Variants in SLC6A11 observed in about 807,000 individuals in gnomAD.
The protein encoded by SLC6A11 is sodium- and chloride-dependent GABA transporter 3.
A neutral mutation model predicts 74.8 loss-of-function variants in SLC6A11; 25 were observed. That is an observed-to-expected ratio of 0.33 (90% confidence interval 0.24 to 0.47). The LOEUF (loss-of-function observed/expected upper bound fraction) is 0.47, where lower values mean the gene tolerates loss of function less well. Ranked by LOEUF, SLC6A11 falls within the 20% of genes least tolerant of loss-of-function variation. The pLI is 1.00. For missense variants in SLC6A11, 574 were observed against 837.0 expected (o/e 0.69, Z 3.88); for synonymous variants, 330 against 330.2 (o/e 1.00, Z 0.01).
At chr3:10,881,059 A>G (rs1484690211) in intron 6 of SLC6A11, among the ~76,000 whole-genome samples, 2 of 152,122 alleles carry the variant, frequency 1.3e-5, no homozygotes, top group African/African-American at 4.8e-5. Context: ...GTTGTTGGTA[A>G]TCATCTGAGT....
chr3:10,873,729 T>C (rs865901191), intron 5 of SLC6A11, among the ~76,000 whole-genome samples: 1 of 139,870 alleles, frequency 7.1e-6, no homozygotes, highest in Non-Finnish European at 1.5e-5. Context: ...TATCCTATCC[T>C]ATCCCGTCCC....
intron 5 of SLC6A11, among the ~76,000 whole-genome samples, chr3:10,871,865 G>A (rs1694831746): frequency 6.6e-6 from 1 of 152,156 alleles, no homozygotes; most frequent in Non-Finnish European, 1.5e-5. Context: ...GTGGTGCAGG[G>A]GCCATGAGTG....
At chr3:10,834,657 G>T (rs151161411) in intron 4 of SLC6A11, among the ~76,000 whole-genome samples, 1 of 152,124 alleles carries the variant, frequency 6.6e-6, no homozygotes, top group East Asian at 1.9e-4. Flanking sequence ...TGTGCTTTGC[G>T]CTCTTCTCAC....
At chr3:10,920,650 G>C (rs1294062494) in intron 8 of SLC6A11, among the ~76,000 whole-genome samples, 2 of 152,204 alleles carry the variant, frequency 1.3e-5, no homozygotes, top group Non-Finnish European at 2.9e-5. Flanking sequence ...ACTCGTGGCT[G>C]TGCAGACTAT....
chr3:10,816,349 C>T lies in SLC6A11; in HGVS notation c.84C>T (p.Cys28=). 2 of 1,448,352 alleles carry T rather than the reference C, an allele frequency of 1.4e-6. No homozygotes were observed. The highest frequency in any genetic ancestry group is 9.1e-7 in the Non-Finnish European group (1 of 1,101,314). 89.7% of individuals were successfully genotyped at this position (1,448,352 alleles called of 1,614,324 possible). A position where few individuals can be genotyped will look rare whatever the true frequency, so the allele number is the denominator to read the frequency against. ...ARESEAPGGG[C]SSGGAAPARH... ...AGTCCGAGGCGCCGGGTGGCGGCTG[C>T]AGCAGCGGGGGCGCGGCGCCCGCGC... is the stretch of plus-strand genomic sequence containing the variant. The change falls in exon 1 of 14, where the codon TGC becomes TGT. Residue 28 remains cysteine, a synonymous_variant. Coordinates refer to ENST00000254488, the MANE Select transcript of SLC6A11 (RefSeq NM_014229.3). This position sits in a 1 kb window ranked among gnomAD's most constrained non-coding sequence, Gnocchi z 4.2.
chr3:10,938,418 C>A lies in SLC6A11; in HGVS notation c.*16C>A. On this transcript the variant is annotated 3_prime_UTR_variant, in exon 14 of 14. Transcript: ENST00000254488. ...GCACTTCTGAGCGGCCACCAGCCATCTGGGGCTCTTCTTCCTTTCTTCCCC... is the reference window on the plus strand; with the variant it reads ...GCACTTCTGAGCGGCCACCAGCCATATGGGGCTCTTCTTCCTTTCTTCCCC... 1 of 1,575,468 alleles carries A rather than the reference C, an allele frequency of 6.3e-7. No individual in the cohort carries two copies. The highest frequency in any genetic ancestry group is 8.7e-7 in the Non-Finnish European group (1 of 1,153,564).
At chr3:10,879,235 A>C in intron 6 of SLC6A11, among the ~76,000 whole-genome samples, 1 of 152,184 alleles carries the variant, frequency 6.6e-6, no homozygotes, top group African/African-American at 2.4e-5. Context: ...GGAAGTGTGT[A>C]TGTGTGTTTG....
At chr3:10,863,908 T>A (rs1398011743) in intron 5 of SLC6A11, among the ~76,000 whole-genome samples, 1 of 152,118 alleles carries the variant, frequency 6.6e-6, no homozygotes, top group Non-Finnish European at 1.5e-5. Context: ...TGAGCTTGAA[T>A]CCTGCCTTTA....
At chr3:10,876,766 C>CAG (rs71055842) in intron 6 of SLC6A11, among the ~76,000 whole-genome samples, 13 of 91,294 alleles carry the variant, frequency 1.4e-4, no homozygotes, top group Non-Finnish European at 1.7e-4. Context: ...ACCTCCCACA[C>CAG]AGAGAGAGAG....
At chr3:10,865,416 C>T (rs1694751871) in intron 5 of SLC6A11, among the ~76,000 whole-genome samples, 1 of 152,220 alleles carries the variant, frequency 6.6e-6, no homozygotes, top group African/African-American at 2.4e-5. Flanking sequence ...GTAATCCCAG[C>T]ACTTTGGGAG....
intron 5 of SLC6A11, among the ~76,000 whole-genome samples, chr3:10,869,683 C>G (rs1694806593): frequency 6.6e-6 from 1 of 152,252 alleles, no homozygotes; most frequent in Non-Finnish European, 1.5e-5. Context: ...CCAGCGTTAT[C>G]CGACTCTAAG....
At chr3:10,823,699 G>A (rs1042122283) in intron 4 of SLC6A11, 1 of 290,360 alleles carries the variant, frequency 3.4e-6, no homozygotes. Flanking sequence ...CAAAAGAGGA[G>A]ATGCAGCCTG....
Position 10,912,142 on chromosome 3 carries a change from G to T in SLC6A11, c.944G>T (p.Gly315Val). Residue 315 changes from glycine (G) to valine (V), a missense_variant, in exon 7 of 14, where the codon GGC (glycine) becomes GTC (valine). Transcript: ENST00000254488. Reference protein sequence around the residue: ...QIFFSYAICLGCLTALGSYNN... With the variant: ...QIFFSYAICLVCLTALGSYNN... ...TTTTTCTCCTATGCCATTTGCCTGG[G>T]CTGTCTGACCGCTCTGGGAAGTTAT... is the stretch of plus-strand genomic sequence containing the variant. The T allele has an allele frequency of 6.2e-7, 1 of 1,614,002 alleles. No homozygotes were observed.
At chr3:10,892,828 C>T (rs974061155) in intron 6 of SLC6A11, among the ~76,000 whole-genome samples, 12 of 152,066 alleles carry the variant, frequency 7.9e-5, no homozygotes, top group Middle Eastern at 3.2e-3. Context: ...TGCACGTCTC[C>T]AAGGTTATAG....
In SLC6A11 at chr3:10,867,080, G is replaced by A. The variant is rs1694771416; in HGVS notation, c.757-7881G>A. On this transcript the variant is annotated intron_variant, in intron 5 of 13. Transcript: ENST00000254488. Reference sequence around the variant, plus strand: ...TCAGTGCCATGCTTTCTGGCCGTATGGGATGGGCAGATGCACCTGAGAGAT... The same window carrying A: ...TCAGTGCCATGCTTTCTGGCCGTATAGGATGGGCAGATGCACCTGAGAGAT... Among the ~76,000 whole-genome samples, 3 of 152,246 alleles carry A rather than the reference G, an allele frequency of 2.0e-5. No homozygotes were observed. The South Asian group carries it at 6.2e-4, about 32-fold the overall frequency.
intron 6 of SLC6A11, among the ~76,000 whole-genome samples, chr3:10,888,498 G>A (rs1387458550): frequency 6.6e-6 from 1 of 152,212 alleles, no homozygotes; most frequent in Non-Finnish European, 1.5e-5. Context: ...GCCATCGTGT[G>A]AGTTTGTCTG....
At chr3:10,911,128 G>A (rs553828254) in intron 6 of SLC6A11, among the ~76,000 whole-genome samples, 3 of 152,262 alleles carry the variant, frequency 2.0e-5, no homozygotes, top group Admixed American at 6.5e-5. Context: ...ATGCCCGGCC[G>A]GGTTGCCGTG....
chr3:10,930,739 T>C (rs1311955415), intron 10 of SLC6A11, among the ~76,000 whole-genome samples: 1 of 151,804 alleles, frequency 6.6e-6, no homozygotes, highest in East Asian at 1.9e-4. Flanking sequence ...TGGTGGAGGG[T>C]GCTTCTTGAA....
At chr3:10,912,261 GT>G (rs1695397433) in intron 7 of SLC6A11, 68 bp downstream of exon 7, 4 of 1,074,436 alleles carry the variant, frequency 3.7e-6, no homozygotes, top group Non-Finnish European at 5.8e-6. Flanking sequence ...TGCCAGGCTA[GT>G]TTATGTTTGT....
Sources: allele counts gnomAD v4.1 joint callset (sites outside exome capture counted in the v4.1 genomes callset), GRCh38; gene constraint gnomAD v4.1.1; non-coding constraint Gnocchi (gnomAD v3.1); transcripts MANE v1.5; gene names NCBI Gene and HGNC (gene_info 2026-07-23, HGNC 2026-07-21).